Variants in LEPR observed in about 807,000 individuals in gnomAD.
LEPR encodes the protein OB receptor.
In LEPR, 56 loss-of-function variants were observed where a neutral mutation model predicts 114.7. The ratio of observed to expected loss-of-function variants is 0.49; its 90% CI spans 0.39 to 0.61. The LOEUF (loss-of-function observed/expected upper bound fraction) is 0.61, where lower values mean the gene tolerates loss of function less well. Ranked by LOEUF, LEPR falls within the 20% of genes least tolerant of loss-of-function variation. The pLI is 0.00. For synonymous variants in LEPR, 443 were observed against 461.4 expected (o/e 0.96, Z 0.51); for missense variants, 1,202 against 1,352.9 (o/e 0.89, Z 1.75).
At chr1:65,553,774 G>C (rs1411759797) in intron 2 of LEPR, among the ~76,000 whole-genome samples, 4 of 152,104 alleles carry the variant, frequency 2.6e-5, no homozygotes, top group Non-Finnish European at 4.4e-5. Context: ...TCCTTTAAAT[G>C]AGAAGCGGCA....
intron 5 of LEPR, among the ~76,000 whole-genome samples, chr1:65,592,243 C>T (rs1655742916): frequency 8.6e-6 from 1 of 116,674 alleles, no homozygotes. Flanking sequence ...TTTCTATCTG[C>T]TGTCATTTTT....
At chr1:65,518,873 T>TTCTTTC (rs763024512) in intron 2 of LEPR, among the ~76,000 whole-genome samples, 2,896 of 117,258 alleles carry the variant, frequency 0.025, 80 homozygotes, top group African/African-American at 0.054. Flanking sequence ...CTTTCTTTCT[T>TTCTTTC]TTTCTTTCTT....
chr1:65,529,794 A>G (rs1310716793), intron 2 of LEPR, among the ~76,000 whole-genome samples: 2 of 152,194 alleles, frequency 1.3e-5, no homozygotes, highest in South Asian at 2.1e-4. Context: ...TGCTCCTTGA[A>G]ACAGTCCCTT....
chr1:65,555,907 C>T (rs985790131), intron 2 of LEPR, among the ~76,000 whole-genome samples: 4 of 152,082 alleles, frequency 2.6e-5, no homozygotes, highest in African/African-American at 4.8e-5. Flanking sequence ...GTCAACCCTC[C>T]GTCTTTTTGA....
chr1:65,536,449 G>T (rs1650783792), intron 2 of LEPR, among the ~76,000 whole-genome samples: 1 of 152,030 alleles, frequency 6.6e-6, no homozygotes, highest in Non-Finnish European at 1.5e-5. Flanking sequence ...CCCAGTCTCA[G>T]GTTTTCCTTT....
intron 2 of LEPR, among the ~76,000 whole-genome samples, chr1:65,537,014 C>A (rs1557646771): frequency 6.6e-6 from 1 of 152,044 alleles, no homozygotes; most frequent in Admixed American, 6.6e-5. Flanking sequence ...TTGATGTATG[C>A]AATCAATAAC....
At chr1:65,488,518 A>G (rs1383424696) in intron 2 of LEPR, among the ~76,000 whole-genome samples, 1 of 151,388 alleles carries the variant, frequency 6.6e-6, no homozygotes, top group East Asian at 1.9e-4. Flanking sequence ...TTTTTGAGAC[A>G]GGGTTTTCTT....
At chr1:65,477,712 G>T (rs1647174885) in intron 2 of LEPR, among the ~76,000 whole-genome samples, 1 of 152,220 alleles carries the variant, frequency 6.6e-6, no homozygotes, top group South Asian at 2.1e-4. Context: ...TTAAAGCAAT[G>T]CCCCAAAATT....
chr1:65,585,427 A>G (rs867961581), intron 5 of LEPR, among the ~76,000 whole-genome samples: 1 of 152,056 alleles, frequency 6.6e-6, no homozygotes, highest in African/African-American at 2.4e-5. Context: ...ACCAAAAGTC[A>G]GAGGACAGAA....
At chr1:65,634,564 T>C in intron 19 of LEPR, 1 of 946,234 alleles carries the variant, frequency 1.1e-6, no homozygotes, top group African/African-American at 1.8e-5. Flanking sequence ...CAATTATGAG[T>C]GAAATATTCT....
intron 2 of LEPR, among the ~76,000 whole-genome samples, chr1:65,455,273 T>G (rs1406232124): frequency 6.6e-6 from 1 of 152,232 alleles, no homozygotes; most frequent in Non-Finnish European, 1.5e-5. Context: ...GAAGCCTTCT[T>G]CTCTCAGCTC....
intron 2 of LEPR, chr1:65,435,918 C>G: frequency 1.0e-6 from 1 of 984,992 alleles, no homozygotes; most frequent in Non-Finnish European, 1.2e-6. Context: ...AATAGCCATG[C>G]TACCAGCGTA....
At chr1:65,424,005 C>A (rs1298795792) in intron 1 of LEPR, among the ~76,000 whole-genome samples, 1 of 152,154 alleles carries the variant, frequency 6.6e-6, no homozygotes, top group African/African-American at 2.4e-5. Context: ...CCATTATTTC[C>A]ATTTTACAGG....
At chr1:65,438,908 G>A (rs1381934226) in intron 2 of LEPR, among the ~76,000 whole-genome samples, 3 of 152,130 alleles carry the variant, frequency 2.0e-5, no homozygotes, top group Non-Finnish European at 4.4e-5. Context: ...TAAACCTCAT[G>A]TACTTCTGGG....
At chr1:65,475,078 G>A in intron 2 of LEPR, among the ~76,000 whole-genome samples, 1 of 124,768 alleles carries the variant, frequency 8.0e-6, no homozygotes, top group African/African-American at 2.9e-5. Context: ...AAAGACAAGA[G>A]AATTATAAAA....
chr1:65,543,293 C>T (rs1651380594), intron 2 of LEPR, among the ~76,000 whole-genome samples: 1 of 151,886 alleles, frequency 6.6e-6, no homozygotes. Context: ...ATCCTTTGCC[C>T]ACCTTTTGAT....
At chr1:65,519,109 C>CCT (rs768833142) in intron 2 of LEPR, among the ~76,000 whole-genome samples, 3 of 109,592 alleles carry the variant, frequency 2.7e-5, no homozygotes, top group African/African-American at 3.6e-5. Flanking sequence ...GTGTCTCTCT[C>CCT]TCCTTCCTTC....
chr1:65,488,232 CTTTCTTTCTT>C (rs1557620409), intron 2 of LEPR, among the ~76,000 whole-genome samples: 3 of 72,862 alleles, frequency 4.1e-5, no homozygotes, highest in East Asian at 4.9e-4. Flanking sequence ...CTCTCTCTTT[CTTTCTTTCTT>C]TCTTTCTTTC....
At chr1:65,472,402 T>A (rs1032261203) in intron 2 of LEPR, among the ~76,000 whole-genome samples, 5 of 84,380 alleles carry the variant, frequency 5.9e-5, no homozygotes, top group Admixed American at 2.6e-4. Context: ...GTCATTTAGC[T>A]GTGGCTAAAA....
Sources: gnomAD v4.1 joint callset for allele counts (sites outside exome capture counted in the v4.1 genomes callset) on GRCh38, gnomAD v4.1.1 for gene constraint, MANE v1.5 for transcripts, NCBI Gene and HGNC (gene_info 2026-07-23, HGNC 2026-07-21) for gene names.